SLC25A6: variants seen among roughly 807,000 people sequenced by gnomAD.
SLC25A6 encodes the protein ADP/ATP translocase 3.
SLC25A6 carries 9 observed loss-of-function variants against 25.7 expected under a neutral mutation model. That is an observed-to-expected ratio of 0.35 (90% CI 0.21 to 0.61). SLC25A6 has a LOEUF of 0.61. Ranked by LOEUF, SLC25A6 falls within the 20% of genes least tolerant of loss-of-function variation. The pLI, the probability that SLC25A6 is intolerant of heterozygous loss-of-function variation, is 0.76. For synonymous variants in SLC25A6, 223 were observed against 197.0 expected (o/e 1.13, Z -1.11); for missense variants, 404 against 440.5 (o/e 0.92, Z 0.74).
intron 2 of SLC25A6, among the ~76,000 whole-genome samples, chrX:1,388,525 A>C (rs1457515384): frequency 3.3e-5 from 5 of 150,698 alleles, no homozygotes; most frequent in Non-Finnish European, 5.9e-5. Context: ...TTTCTAAGTC[A>C]CCCAGTCTAT....
chrX:1,386,788 T>C (rs768347758), intron 3 of SLC25A6, 29 bp from the exon 4 acceptor site: 3 of 1,595,018 alleles, frequency 1.9e-6, no homozygotes, highest in Non-Finnish European at 2.6e-6. Flanking sequence ...AGTGAGGGCC[T>C]CGCCGCCAAG....
intron 1 of SLC25A6, among the ~76,000 whole-genome samples, chrX:1,390,501 C>G (rs1302166491): frequency 6.6e-6 from 1 of 151,876 alleles, no homozygotes; most frequent in East Asian, 1.9e-4. Flanking sequence ...TGGCGTGAAC[C>G]CAGGAGGCGG....
intron 1 of SLC25A6, among the ~76,000 whole-genome samples, 171 bp downstream of exon 1, chrX:1,391,728 A>C (rs1197675988): frequency 6.6e-6 from 1 of 152,182 alleles, no homozygotes; most frequent in East Asian, 1.9e-4. Flanking sequence ...CACGCCCTGC[A>C]GCAGCGGTCA....
chrX:1,391,862 C>A, intron 1 of SLC25A6, 37 bp downstream of exon 1: 2 of 1,505,200 alleles, frequency 1.3e-6, no homozygotes, highest in Non-Finnish European at 1.8e-6. Context: ...CGGTTCCCGT[C>A]CCCTAGTCCC....
At position 1,391,968 on chromosome X, in the gene SLC25A6, G is replaced by A. The variant is rs150904183; in HGVS notation, c.42C>T (p.Ala14=). The A allele has an allele frequency of 2.4e-4, 386 of 1,609,534 alleles. 2 individuals carry two copies. In the African/African-American group the frequency reaches 4.6e-3, roughly 19 times the overall value. The change falls in exon 1 of 4, where the codon GCC becomes GCT. Residue 14 remains alanine, a synonymous_variant. Transcript: ENST00000381401. The part of the protein sequence containing the change: ...QAISFAKDFL[A]GGIAAAISKT... Reference sequence around the variant, plus strand: ...TGGAGATGGCGGCGGCGATGCCTCCGGCCAAGAAGTCTTTGGCGAAGGAGA... The same window carrying A: ...TGGAGATGGCGGCGGCGATGCCTCCAGCCAAGAAGTCTTTGGCGAAGGAGA...
chrX:1,388,115 G>C (rs1374598550), intron 2 of SLC25A6, among the ~76,000 whole-genome samples: 1 of 145,336 alleles, frequency 6.9e-6, no homozygotes, highest in Non-Finnish European at 1.5e-5. Context: ...CTCATAAGAA[G>C]AGCAGATAAG....
Position 1,389,738 on chromosome X carries a change from C to T in SLC25A6, c.112-11G>A, listed in dbSNP as rs544461764. ...GCTGGCGTGCTGGACCTGGGGGACG[C>T]AGAGGGTGTTCAGACCAGACCCAGG... On this transcript the variant is annotated splice_polypyrimidine_tract_variant and intron_variant, in intron 1 of 3. Coordinates refer to ENST00000381401, the MANE Select transcript of SLC25A6 (RefSeq NM_001636.4). The T allele has an allele frequency of 1.9e-6, 3 of 1,610,592 alleles. No homozygotes were observed. Among genetic ancestry groups the T allele is most frequent in the Non-Finnish European group, 2.5e-6 (3 of 1,178,516 alleles).
rs1185414789 is a variant in SLC25A6 at position 1,392,056 on chromosome X, G to A, written c.-47C>T. 2 of 1,443,986 alleles carry A rather than the reference G, an allele frequency of 1.4e-6. No individual in the cohort carries two copies. The highest frequency in any genetic ancestry group is 2.4e-5 in the East Asian group (1 of 42,118). The allele number at this position is 1,443,986 out of a possible 1,614,324, so 89.4% of individuals were successfully genotyped here. A position where few individuals can be genotyped will look rare whatever the true frequency, so the allele number is the denominator to read the frequency against. On this transcript the variant is annotated 5_prime_UTR_variant, in exon 1 of 4. Transcript: ENST00000381401. ...ACGGGAGGACAGCCGGAGAACGGGC[G>A]CGGAGAGTGAATGGAGGGCGTCGCT...
intron 1 of SLC25A6, 36 bp downstream of exon 1, chrX:1,391,863 C>T (rs780504691): frequency 1.3e-6 from 2 of 1,510,604 alleles, no homozygotes; most frequent in African/African-American, 2.8e-5. Flanking sequence ...GGTTCCCGTC[C>T]CCTAGTCCCC....
intron 2 of SLC25A6, among the ~76,000 whole-genome samples, chrX:1,388,409 C>CG (rs1415243026): frequency 6.6e-6 from 1 of 150,498 alleles, no homozygotes; most frequent in Admixed American, 6.6e-5. Flanking sequence ...ACAGGGAAGA[C>CG]GGAGTCTCCA....
rs768661431 is a variant in SLC25A6 at position 1,389,616 on chromosome X, G to C, written c.223C>G (p.Leu75Val). ...GGGAAGTAGCGAATGACGTTGGCAA[G>C]GTTGCCCCTCCAGAAGGACAGCACG... Reference protein sequence around the residue: ...QGVLSFWRGNLANVIRYFPTQ... With the variant: ...QGVLSFWRGNVANVIRYFPTQ... The change falls in exon 2 of 4, where the codon CTT (leucine) becomes GTT (valine). Residue 75 changes from leucine to valine, a missense_variant. Coordinates refer to ENST00000381401, the MANE Select transcript of SLC25A6 (RefSeq NM_001636.4). The C allele has an allele frequency of 1.1e-5, 18 of 1,614,184 alleles. No homozygotes were observed. Among genetic ancestry groups the C allele is most frequent in the Non-Finnish European group, 1.4e-5 (17 of 1,180,026 alleles).
At chrX:1,390,806 C>T (rs1339159742) in intron 1 of SLC25A6, among the ~76,000 whole-genome samples, 2 of 149,266 alleles carry the variant, frequency 1.3e-5, no homozygotes, top group African/African-American at 4.9e-5. Flanking sequence ...CCCCGCCCTG[C>T]TAAGTTTAAA....
At chrX:1,390,214 C>T (rs1324176853) in intron 1 of SLC25A6, 59 of 174,922 alleles carry the variant, frequency 3.4e-4, no homozygotes, top group African/African-American at 1.1e-3. Flanking sequence ...AGTCTTGCTA[C>T]GATGACCAAG....
intron 1 of SLC25A6, among the ~76,000 whole-genome samples, chrX:1,390,805 G>T (rs1249793755): frequency 1.3e-5 from 2 of 150,074 alleles, no homozygotes; most frequent in African/African-American, 4.9e-5. Flanking sequence ...ACCCCGCCCT[G>T]CTAAGTTTAA....
In SLC25A6 at chrX:1,386,272, T is replaced by C. The variant is rs1467579680; in HGVS notation, c.*330A>G. On this transcript the variant is annotated 3_prime_UTR_variant, in exon 4 of 4. Transcript: ENST00000381401. ...AAGTACAAATGGGAAAACGTGATTC[T>C]TTTGTTTTAAATAAATACTTAGAAC... 2 of 309,462 alleles carry C rather than the reference T, an allele frequency of 6.5e-6. No homozygotes were observed. Among genetic ancestry groups the C allele is most frequent in the African/African-American group, 4.3e-5 (2 of 46,760 alleles). The allele number at this position is 309,462 out of a possible 1,614,324, so 19.2% of individuals were successfully genotyped here.
Position 1,386,322 on chromosome X carries a change from G to A in SLC25A6, c.*280C>T. 2.5e-6 allele frequency: 1 copy of A among 394,446 alleles called. No homozygotes were observed. The highest frequency in any genetic ancestry group is 4.5e-6 in the Non-Finnish European group (1 of 223,870). The allele number at this position is 394,446 out of a possible 1,614,324, so 24.4% of individuals were successfully genotyped here. Reference sequence around the variant, plus strand: ...CACGACTTGGCTCCTACAAGCATCTGGACTCTAGGTCTCAGTACTGGAGTG... The same window carrying A: ...CACGACTTGGCTCCTACAAGCATCTAGACTCTAGGTCTCAGTACTGGAGTG... On this transcript the variant is annotated 3_prime_UTR_variant, in exon 4 of 4. Coordinates refer to ENST00000381401, the MANE Select transcript of SLC25A6 (RefSeq NM_001636.4).
chrX:1,390,991 G>A (rs1194803260), intron 1 of SLC25A6, among the ~76,000 whole-genome samples: 2 of 149,518 alleles, frequency 1.3e-5, no homozygotes, highest in African/African-American at 5.0e-5. Flanking sequence ...CAAACTCCCG[G>A]GACACGCCAC....
chrX:1,388,712 G>A lies in SLC25A6; in HGVS notation c.598+529C>T, dbSNP rs776573313. On this transcript the variant is annotated intron_variant, in intron 2 of 3. Coordinates refer to ENST00000381401, the MANE Select transcript of SLC25A6 (RefSeq NM_001636.4). ...TCTCAGACCTTCAGCCTGCAGGACTGTGGGAGAATCAATGTCTGCTGTTTA... is the reference window on the plus strand; with the variant it reads ...TCTCAGACCTTCAGCCTGCAGGACTATGGGAGAATCAATGTCTGCTGTTTA... 5.9e-5 allele frequency among the ~76,000 whole-genome samples: 9 copies of A among 151,708 alleles called. No individual in the cohort carries two copies. The South Asian group carries it at 1.0e-3, about 18-fold the overall frequency.
chrX:1,387,531 GA>G, intron 2 of SLC25A6, 112 bp from the exon 3 acceptor site: 1 of 1,437,228 alleles, frequency 7.0e-7, no homozygotes, highest in Non-Finnish European at 9.4e-7. Flanking sequence ...GCTCTTCCGA[GA>G]CCACCAGTGC....
Sources: gnomAD v4.1 joint callset for allele counts (sites outside exome capture counted in the v4.1 genomes callset) on GRCh38, gnomAD v4.1.1 for gene constraint, MANE v1.5 for transcripts, NCBI Gene and HGNC (gene_info 2026-07-23, HGNC 2026-07-21) for gene names.